Variants in GRM8 observed in about 807,000 individuals in gnomAD.
GRM8 encodes metabotropic glutamate receptor 8.
In GRM8, 47 loss-of-function variants were observed where a neutral mutation model predicts 87.2. The ratio of observed to expected loss-of-function variants is 0.54; its 90% CI spans 0.43 to 0.69. The LOEUF is 0.69. Among genes scored for constraint, GRM8 ranks in the 30% least tolerant of loss-of-function variants. The pLI is 0.00. For missense variants in GRM8, 1,019 were observed against 1,139.2 expected (o/e 0.89, Z 1.52); for synonymous variants, 396 against 404.5 (o/e 0.98, Z 0.25).
intron 3 of GRM8, chr7:127,084,833 C>T (rs573187352): frequency 7.9e-5 from 12 of 152,158 alleles, no homozygotes; most frequent in Non-Finnish European, 1.8e-4. Flanking sequence ...TTTTTAAATA[C>T]TTTAAGTTCT....
At chr7:127,212,541 C>T (rs993642556) in intron 2 of GRM8, among the ~76,000 whole-genome samples, 13 of 150,926 alleles carry the variant, frequency 8.6e-5, no homozygotes, top group African/African-American at 2.9e-4. Flanking sequence ...CCTCAGCCTC[C>T]CAAGTAGCTG....
At chr7:127,162,876 A>G (rs942235247) in intron 2 of GRM8, among the ~76,000 whole-genome samples, 7 of 152,200 alleles carry the variant, frequency 4.6e-5, no homozygotes, top group Non-Finnish European at 7.3e-5. Context: ...GATTGGATGA[A>G]AATAAGAATG....
intron 7 of GRM8, among the ~76,000 whole-genome samples, chr7:126,747,615 TTA>T (rs1328388716): frequency 6.6e-6 from 1 of 152,056 alleles, no homozygotes; most frequent in Non-Finnish European, 1.5e-5. Context: ...TGCTAACATA[TTA>T]ACCAACCTTA....
chr7:126,446,708 C>T (rs1802059981), intron 9 of GRM8, among the ~76,000 whole-genome samples: 1 of 151,942 alleles, frequency 6.6e-6, no homozygotes, highest in South Asian at 2.1e-4. Context: ...TAATGCCACA[C>T]AGAACTTCTT....
chr7:126,575,384 G>A (rs772727075), intron 8 of GRM8, among the ~76,000 whole-genome samples: 34 of 151,668 alleles, frequency 2.2e-4, no homozygotes, highest in South Asian at 4.2e-4. Flanking sequence ...ATTATGGTGA[G>A]TTGTATAATT....
chr7:126,503,544 T>A (rs1809960170), intron 9 of GRM8, among the ~76,000 whole-genome samples: 2 of 152,118 alleles, frequency 1.3e-5, no homozygotes, highest in Non-Finnish European at 2.9e-5. Context: ...AATCTGTTGT[T>A]AGCAGATATT....
At chr7:127,032,717 T>C (rs1466062701) in intron 3 of GRM8, among the ~76,000 whole-genome samples, 3 of 152,122 alleles carry the variant, frequency 2.0e-5, no homozygotes, top group Admixed American at 6.6e-5. Context: ...ATCCATTCCC[T>C]TTGCAGAACT....
At chr7:127,174,064 AACAC>A (rs1793959766) in intron 2 of GRM8, among the ~76,000 whole-genome samples, 2 of 152,178 alleles carry the variant, frequency 1.3e-5, no homozygotes, top group South Asian at 4.1e-4. Context: ...CATTCACAGC[AACAC>A]ACACACGCAC....
chr7:126,848,812 C>T (rs1024998621), intron 6 of GRM8, among the ~76,000 whole-genome samples: 1 of 152,132 alleles, frequency 6.6e-6, no homozygotes, highest in African/African-American at 2.4e-5. Context: ...CAGAACAAAA[C>T]TCTGTGTATT....
intron 2 of GRM8, among the ~76,000 whole-genome samples, chr7:127,210,010 T>C (rs1796126826): frequency 6.6e-6 from 1 of 152,006 alleles, no homozygotes; most frequent in Admixed American, 6.6e-5. Flanking sequence ...AGCTGTTAAG[T>C]AGAAGTGGGA....
At chr7:126,936,283 G>T (rs542790603) in intron 3 of GRM8, among the ~76,000 whole-genome samples, 1 of 152,146 alleles carries the variant, frequency 6.6e-6, no homozygotes, top group Non-Finnish European at 1.5e-5. Flanking sequence ...CAGGGAAAGA[G>T]CTGAGTAACA....
chr7:127,037,833 G>A (rs745780532), intron 3 of GRM8, among the ~76,000 whole-genome samples: 2 of 21,872 alleles, frequency 9.1e-5, no homozygotes, highest in African/African-American at 2.2e-4. Flanking sequence ...ATGCGCATCC[G>A]TGTGTGTGTG....
intron 3 of GRM8, among the ~76,000 whole-genome samples, chr7:127,053,878 T>C (rs1463238969): frequency 6.6e-6 from 1 of 151,518 alleles, no homozygotes; most frequent in African/African-American, 2.4e-5. Context: ...ATACAGTTAA[T>C]ACTTACTGAA....
At chr7:126,698,778 G>A (rs28452678) in intron 7 of GRM8, among the ~76,000 whole-genome samples, 2,997 of 152,196 alleles carry the variant, frequency 0.02, 100 homozygotes, top group African/African-American at 0.069. Context: ...CCCCAATAGA[G>A]CTTGTTGGGG....
intron 1 of GRM8, among the ~76,000 whole-genome samples, chr7:127,249,033 T>C (rs1798725371): frequency 6.6e-6 from 1 of 152,202 alleles, no homozygotes; most frequent in Non-Finnish European, 1.5e-5. Context: ...CCTTCCTAAG[T>C]TGTAGGTACA....
chr7:126,847,457 G>A (rs1796806173), intron 6 of GRM8, among the ~76,000 whole-genome samples: 1 of 152,168 alleles, frequency 6.6e-6, no homozygotes, highest in Non-Finnish European at 1.5e-5. Flanking sequence ...AATCTGGGTA[G>A]GATGTAAAGT....
At chr7:127,133,313 G>A (rs1827784207) in intron 2 of GRM8, among the ~76,000 whole-genome samples, 2 of 151,672 alleles carry the variant, frequency 1.3e-5, no homozygotes, top group African/African-American at 4.8e-5. Flanking sequence ...AGCTACTCAG[G>A]AGGCTGAGGC....
chr7:127,070,922 T>A (rs1821618249), intron 3 of GRM8, among the ~76,000 whole-genome samples: 1 of 152,200 alleles, frequency 6.6e-6, no homozygotes, highest in Non-Finnish European at 1.5e-5. Flanking sequence ...AATATTATAA[T>A]CCTGCCTAAG....
intron 7 of GRM8, among the ~76,000 whole-genome samples, chr7:126,652,433 C>T (rs1346688042): frequency 6.6e-6 from 1 of 152,064 alleles, no homozygotes; most frequent in Non-Finnish European, 1.5e-5. Flanking sequence ...CTGGGTGTGT[C>T]TGTGAGGGTG....
Sources: allele counts gnomAD v4.1 joint callset (sites outside exome capture counted in the v4.1 genomes callset), GRCh38; gene constraint gnomAD v4.1.1; transcripts MANE v1.5; gene names NCBI Gene and HGNC (gene_info 2026-07-23, HGNC 2026-07-21).